TMEM132C: variants seen among roughly 807,000 people sequenced by gnomAD.
TMEM132C encodes the protein protein phosphatase 1, regulatory subunit 152.
A neutral mutation model predicts 61.4 loss-of-function variants in TMEM132C; 29 were observed. The ratio of observed to expected loss-of-function variants is 0.47; its 90% CI spans 0.35 to 0.64. The LOEUF (loss-of-function observed/expected upper bound fraction) is 0.64. Among genes scored for constraint, TMEM132C ranks in the 30% least tolerant of loss-of-function variants. The pLI, the probability that TMEM132C is intolerant of heterozygous loss-of-function variation, is 0.00. For synonymous variants in TMEM132C, 656 were observed against 633.1 expected, an observed-to-expected ratio of 1.04 and a Z score of -0.54; for missense variants, 1,408 against 1,476.9, an observed-to-expected ratio of 0.95 and a Z score of 0.76.
chr12:128,576,497 C>T (rs975041401), intron 3 of TMEM132C, among the ~76,000 whole-genome samples: 6 of 152,212 alleles, frequency 3.9e-5, no homozygotes, highest in Admixed American at 3.3e-4. Flanking sequence ...TTGAGTTAAT[C>T]TTCCTTGGCA....
chr12:128,438,035 T>G (rs1051111034), intron 2 of TMEM132C: 4 of 152,228 alleles, frequency 2.6e-5, no homozygotes, highest in Admixed American at 1.3e-4. Context: ...TTTCTGAAAA[T>G]GTACTGGTGG....
intron 2 of TMEM132C, among the ~76,000 whole-genome samples, chr12:128,468,086 C>G (rs1870802260): frequency 6.6e-6 from 1 of 152,166 alleles, no homozygotes; most frequent in African/African-American, 2.4e-5. Context: ...CAATGTCTGA[C>G]TCAGTGCTGA....
At chr12:128,516,957 C>T (rs1010294368) in intron 2 of TMEM132C, among the ~76,000 whole-genome samples, 1 of 151,604 alleles carries the variant, frequency 6.6e-6, no homozygotes. Context: ...CATGGTGGCT[C>T]ACGCCTGTAA....
intron 4 of TMEM132C, among the ~76,000 whole-genome samples, chr12:128,635,034 G>T (rs1371158332): frequency 6.6e-6 from 1 of 152,196 alleles, no homozygotes. Flanking sequence ...GCTGGTGTGT[G>T]TGCACATATC....
chr12:128,508,643 CCTT>C (rs1484753479), intron 2 of TMEM132C, among the ~76,000 whole-genome samples: 1 of 152,228 alleles, frequency 6.6e-6, no homozygotes, highest in Non-Finnish European at 1.5e-5. Flanking sequence ...ACCAGTGCCT[CCTT>C]CTGTGGAGCT....
intron 4 of TMEM132C, among the ~76,000 whole-genome samples, chr12:128,634,770 C>T (rs150393865): frequency 6.6e-6 from 1 of 152,314 alleles, no homozygotes; most frequent in East Asian, 1.9e-4. Context: ...TTAGTTTTTC[C>T]TTCACCTGCA....
intron 5 of TMEM132C, among the ~76,000 whole-genome samples, chr12:128,683,859 G>A (rs1954653952): frequency 6.6e-6 from 1 of 152,072 alleles, no homozygotes; most frequent in African/African-American, 2.4e-5. Flanking sequence ...CCAAGTACTT[G>A]GGAGGCTGAG....
chr12:128,427,098 C>A (rs1354547452), intron 2 of TMEM132C, among the ~76,000 whole-genome samples: 1 of 152,040 alleles, frequency 6.6e-6, no homozygotes, highest in African/African-American at 2.4e-5. Flanking sequence ...TTTAGAGTCC[C>A]GTCTGCTGGC....
intron 3 of TMEM132C, among the ~76,000 whole-genome samples, chr12:128,610,332 G>C (rs756249883): frequency 6.6e-6 from 1 of 152,196 alleles, no homozygotes; most frequent in Non-Finnish European, 1.5e-5. Flanking sequence ...ACTCCCTGTA[G>C]TAGGGAGGTA....
At chr12:128,667,492 G>T (rs1309198640) in intron 4 of TMEM132C, among the ~76,000 whole-genome samples, 2 of 152,204 alleles carry the variant, frequency 1.3e-5, no homozygotes, top group African/African-American at 4.8e-5. Context: ...CACAGCCGAG[G>T]GTGGTAACTG....
intron 3 of TMEM132C, among the ~76,000 whole-genome samples, chr12:128,544,885 A>G (rs911648445): frequency 2.6e-5 from 4 of 152,350 alleles, no homozygotes; most frequent in African/African-American, 9.6e-5. Flanking sequence ...TAGCTTTATA[A>G]TATTCATCAG....
chr12:128,361,130 T>A (rs149936693), intron 1 of TMEM132C, among the ~76,000 whole-genome samples: 1 of 152,240 alleles, frequency 6.6e-6, no homozygotes, highest in Non-Finnish European at 1.5e-5. Flanking sequence ...TTGAGTTTGA[T>A]GCTCGTTGCT....
rs76617855 is a variant in TMEM132C at position 128,599,795 on chromosome 12, G to A, written c.1122-16357G>A. Among the ~76,000 whole-genome samples the A allele has an allele frequency of 2.8e-3, 424 of 152,242 alleles. 1 individual carries two copies. The highest frequency in any genetic ancestry group is 4.2e-3 in the Non-Finnish European group (283 of 68,024). On this transcript the variant is annotated intron_variant, in intron 3 of 8. Coordinates refer to ENST00000435159, the MANE Select transcript of TMEM132C (RefSeq NM_001136103.3). ...ATTATTCCAGAATGAGTATAATACA[G>A]ACCCTGATATGGTTTGGCTGTGTCA...
At chr12:128,437,389 T>A (rs1387280816) in intron 2 of TMEM132C, among the ~76,000 whole-genome samples, 1 of 152,202 alleles carries the variant, frequency 6.6e-6, no homozygotes, top group Non-Finnish European at 1.5e-5. Context: ...AGCAGCTCCA[T>A]GCTGTCATGA....
chr12:128,315,335 G>C (rs1285291279), intron 1 of TMEM132C, among the ~76,000 whole-genome samples: 5 of 152,130 alleles, frequency 3.3e-5, no homozygotes, highest in Non-Finnish European at 7.3e-5. Context: ...TGCTAAATGC[G>C]CATAATATTT....
chr12:128,475,265 G>A (rs1871120733), intron 2 of TMEM132C, among the ~76,000 whole-genome samples: 1 of 151,856 alleles, frequency 6.6e-6, no homozygotes, highest in African/African-American at 2.4e-5. Flanking sequence ...CCTATAAAAT[G>A]ACTCAGGCTT....
intron 1 of TMEM132C, among the ~76,000 whole-genome samples, chr12:128,333,590 ATGT>A (rs201211011): frequency 0.047 from 7,003 of 150,086 alleles, 503 homozygotes; most frequent in African/African-American, 0.16. Flanking sequence ...AGAATGTGTG[ATGT>A]TGTGTGTATT....
chr12:128,384,393 C>T (rs183252017), intron 1 of TMEM132C, among the ~76,000 whole-genome samples: 316 of 152,242 alleles, frequency 2.1e-3, no homozygotes, highest in African/African-American at 6.2e-3. Context: ...TCGATGACAA[C>T]GGCAGGCAGG....
chr12:128,652,516 G>A (rs1412714687), intron 4 of TMEM132C, among the ~76,000 whole-genome samples: 2 of 152,240 alleles, frequency 1.3e-5, no homozygotes, highest in African/African-American at 2.4e-5. Context: ...ATCCAAGAAC[G>A]TTTACAGCTC....
Sources: gnomAD v4.1 joint callset for allele counts (sites outside exome capture counted in the v4.1 genomes callset) on GRCh38, gnomAD v4.1.1 for gene constraint, MANE v1.5 for transcripts, NCBI Gene and HGNC (gene_info 2026-07-23, HGNC 2026-07-21) for gene names.